Variants in PTCHD4 observed in about 807,000 individuals in gnomAD.
PTCHD4 encodes the protein patched domain-containing protein 4.
In PTCHD4, 33 loss-of-function variants were observed where a neutral mutation model predicts 58.1. That is an observed-to-expected ratio of 0.57 (90% confidence interval 0.43 to 0.76). The LOEUF is 0.76. PTCHD4 is among the 30% of genes least tolerant of loss of function. The pLI is 0.00. For synonymous variants in PTCHD4, 478 were observed against 409.6 expected (o/e 1.17, Z -2.02); for missense variants, 1,058 against 1,027.1 (o/e 1.03, Z -0.41).
intron 1 of PTCHD4, among the ~76,000 whole-genome samples, chr6:48,097,315 A>C (rs528550444): frequency 6.6e-6 from 1 of 152,198 alleles, no homozygotes; most frequent in Non-Finnish European, 1.5e-5. Flanking sequence ...TATGACAGAT[A>C]TAATGCTTAA....
intron 3 of PTCHD4, among the ~76,000 whole-genome samples, chr6:48,023,121 G>C (rs2814473): frequency 6.6e-6 from 1 of 151,938 alleles, no homozygotes; most frequent in Admixed American, 6.6e-5. Context: ...GTAAAATTTC[G>C]TGCCATTTCA....
At chr6:47,955,536 G>A (rs564840372) in intron 4 of PTCHD4, among the ~76,000 whole-genome samples, 284 of 152,312 alleles carry the variant, frequency 1.9e-3, no homozygotes, top group Middle Eastern at 3.4e-3. Context: ...TTTTGGACAA[G>A]AGCAAGTGGT....
At chr6:47,927,436 C>T (rs1455901903) in intron 4 of PTCHD4, among the ~76,000 whole-genome samples, 2 of 152,048 alleles carry the variant, frequency 1.3e-5, no homozygotes, top group African/African-American at 2.4e-5. Context: ...AGGGATGCAA[C>T]TAATTTTTGC....
intron 3 of PTCHD4, among the ~76,000 whole-genome samples, chr6:48,038,433 G>A (rs1046893297): frequency 5.3e-5 from 8 of 152,056 alleles, no homozygotes; most frequent in Non-Finnish European, 1.2e-4. Context: ...CTTGAGGTCA[G>A]AAGTTTGAAA....
chr6:47,963,938 G>A (rs529150181), intron 4 of PTCHD4, among the ~76,000 whole-genome samples: 2 of 152,162 alleles, frequency 1.3e-5, no homozygotes, highest in Non-Finnish European at 2.9e-5. Flanking sequence ...GAACTTAAAG[G>A]TTTTGACATA....
At chr6:47,926,581 T>A (rs1230612104) in intron 4 of PTCHD4, among the ~76,000 whole-genome samples, 2 of 152,230 alleles carry the variant, frequency 1.3e-5, no homozygotes, top group Non-Finnish European at 2.9e-5. Flanking sequence ...ACTTGATTCA[T>A]AAGCACATTA....
rs372305720 is a variant in PTCHD4, at chr6:47,873,349, G to A, written c.*4954C>T. On this transcript the variant is annotated 3_prime_UTR_variant, in exon 5 of 5. Coordinates refer to ENST00000339488, the MANE Select transcript of PTCHD4 (RefSeq NM_001384253.1). ...TTACAGACATCTTGATTTCTGAGAT[G>A]TGGGCTCATCTCTCAATATCCTTCC... 4.6e-5 allele frequency among the ~76,000 whole-genome samples: 7 copies of A among 151,764 alleles called. No homozygotes were observed. The East Asian group carries it at 1.4e-3, about 30-fold the overall frequency.
At chr6:48,053,945 A>G (rs1307714195) in intron 3 of PTCHD4, among the ~76,000 whole-genome samples, 1 of 152,140 alleles carries the variant, frequency 6.6e-6, no homozygotes, top group Non-Finnish European at 1.5e-5. Flanking sequence ...GGAAAGCAGC[A>G]TGGGTGCTAT....
Position 47,861,291 on chromosome 6 carries a change from G to T in PTCHD4, c.*17012C>A, listed in dbSNP as rs889691968. On this transcript the variant is annotated 3_prime_UTR_variant, in exon 5 of 5. Transcript: ENST00000339488. ...CGACTCATTAACACTCCTTGCTGAT[G>T]TTCTTTCATAAAACTATTTTTTAAA... Among the ~76,000 whole-genome samples the T allele has an allele frequency of 2.0e-5, 3 of 151,826 alleles. No homozygotes were observed. Among genetic ancestry groups the T allele is most frequent in the African/African-American group, 2.4e-5 (1 of 41,366 alleles).
At chr6:48,089,205 A>T (rs903885411) in intron 1 of PTCHD4, among the ~76,000 whole-genome samples, 5 of 152,226 alleles carry the variant, frequency 3.3e-5, no homozygotes, top group Non-Finnish European at 7.4e-5. Context: ...AATAGTAGTG[A>T]TAGCAGAAGA....
intron 4 of PTCHD4, among the ~76,000 whole-genome samples, chr6:47,907,108 A>G (rs928349191): frequency 6.6e-6 from 1 of 152,126 alleles, no homozygotes; most frequent in Admixed American, 6.6e-5. Flanking sequence ...TCTTGGATGG[A>G]GCTACAAGTC....
chr6:47,878,592 G>T lies in PTCHD4; in HGVS notation c.2243C>A (p.Ser748Tyr), dbSNP rs1004164970. Residue 748 changes from serine (S) to tyrosine (Y), a missense_variant, in exon 5 of 5, where the codon TCC becomes TAC. By Grantham distance (144) the Ser-to-Tyr change is moderately radical. Transcript: ENST00000339488. ...EHTRTQCIKS[S>Y]LQDHGTAILQ... The stretch of plus-strand genomic sequence containing the variant: ...AATGGCTGTCCCATGGTCTTGCAAG[G>T]AGCTTTTTATACATTGTGTTCGGGT... 6.2e-7 allele frequency: 1 copy of T among 1,613,626 alleles called. No individual in the cohort carries two copies. Among genetic ancestry groups the T allele is most frequent in the Non-Finnish European group, 8.5e-7 (1 of 1,179,742 alleles).
chr6:48,048,445 G>C (rs2114165098), intron 3 of PTCHD4, among the ~76,000 whole-genome samples: 1 of 152,048 alleles, frequency 6.6e-6, no homozygotes, highest in African/African-American at 2.4e-5. Flanking sequence ...ATAACAGGCT[G>C]ATTTTGTTTA....
At chr6:48,016,546 A>G (rs1487303467) in intron 3 of PTCHD4, among the ~76,000 whole-genome samples, 1 of 151,966 alleles carries the variant, frequency 6.6e-6, no homozygotes, top group African/African-American at 2.4e-5. Flanking sequence ...TCCAAGGTGA[A>G]TCATTGGAAT....
intron 3 of PTCHD4, among the ~76,000 whole-genome samples, chr6:48,064,987 T>C (rs1228403537): frequency 1.3e-5 from 2 of 152,160 alleles, no homozygotes; most frequent in Non-Finnish European, 2.9e-5. Flanking sequence ...TTGATACCAG[T>C]TTTATCTAAG....
intron 3 of PTCHD4, among the ~76,000 whole-genome samples, chr6:48,047,291 C>T (rs1272470772): frequency 1.3e-5 from 2 of 151,670 alleles, no homozygotes; most frequent in African/African-American, 4.8e-5. Flanking sequence ...GAAAATCCCC[C>T]TCTAATTATC....
chr6:47,856,679 T>C lies in PTCHD4; in HGVS notation c.*21624A>G, dbSNP rs542285738. Among the ~76,000 whole-genome samples, 5 of 152,134 alleles carry C rather than the reference T, an allele frequency of 3.3e-5. No individual in the cohort carries two copies. The highest frequency in any genetic ancestry group is 1.2e-4 in the African/African-American group (5 of 41,530). ...GGAAAGAGCCACACATTCATTTTCT[T>C]TGACAAAACTTTAATTAGAAAACCA... On this transcript the variant is annotated 3_prime_UTR_variant, in exon 5 of 5. Transcript: ENST00000339488.
chr6:47,940,630 G>A (rs192935882), intron 4 of PTCHD4, among the ~76,000 whole-genome samples: 180 of 152,290 alleles, frequency 1.2e-3, no homozygotes, highest in African/African-American at 4.1e-3. Context: ...AAAAGCTTGT[G>A]AAAATAGACA....
intron 4 of PTCHD4, among the ~76,000 whole-genome samples, chr6:47,951,653 A>G (rs1439763449): frequency 6.6e-6 from 1 of 152,160 alleles, no homozygotes; most frequent in Admixed American, 6.6e-5. Context: ...TTTGGTTCCT[A>G]AATAACCCTT....
Sources: gnomAD v4.1 joint callset for allele counts (sites outside exome capture counted in the v4.1 genomes callset) on GRCh38, gnomAD v4.1.1 for gene constraint, MANE v1.5 for transcripts, NCBI Gene and HGNC (gene_info 2026-07-23, HGNC 2026-07-21) for gene names.